The following DIPK1C variants were observed in gnomAD, a reference collection of about 807,000 sequenced individuals.
The protein encoded by DIPK1C is familial non-conventional Alzheimer's dementia.
Under a neutral mutation model 28.0 loss-of-function variants are expected in DIPK1C, and 33 were observed. That is an observed-to-expected ratio of 1.18 (90% CI 0.89 to 1.58). DIPK1C has a LOEUF of 1.58. DIPK1C is among the 40% of genes most tolerant of loss of function. The probability of loss-of-function intolerance (pLI) is 0.00; values close to 1 mark genes in which losing one functional copy is unlikely to be tolerated. For synonymous variants in DIPK1C, 255 were observed against 248.8 expected (o/e 1.02, Z -0.23); for missense variants, 569 against 568.5 (o/e 1.00, Z -0.01).
At chr18:74,449,172 C>G (rs1391003875) in intron 1 of DIPK1C, among the ~76,000 whole-genome samples, 2 of 152,016 alleles carry the variant, frequency 1.3e-5, no homozygotes, top group African/African-American at 4.8e-5. Flanking sequence ...CTCATTTGAC[C>G]TTATGTGGTG....
intron 1 of DIPK1C, among the ~76,000 whole-genome samples, chr18:74,456,717 C>T (rs80208705): frequency 0.07 from 10,641 of 152,306 alleles, 533 homozygotes; most frequent in Middle Eastern, 0.11. Context: ...GGCCTGACAC[C>T]GGACGCGGCA....
At chr18:74,438,045 C>A (rs1255366113) in intron 3 of DIPK1C, among the ~76,000 whole-genome samples, 2 of 152,168 alleles carry the variant, frequency 1.3e-5, no homozygotes, top group African/African-American at 4.8e-5. Flanking sequence ...GGGCATAGCA[C>A]CATGCCTGGC....
At chr18:74,454,358 C>T (rs895271964) in intron 1 of DIPK1C, among the ~76,000 whole-genome samples, 6 of 152,182 alleles carry the variant, frequency 3.9e-5, no homozygotes, top group Non-Finnish European at 5.9e-5. Flanking sequence ...TCCCCTGACT[C>T]GTCCCTAAGC....
At chr18:74,450,806 G>C (rs546272545) in intron 1 of DIPK1C, among the ~76,000 whole-genome samples, 2 of 152,360 alleles carry the variant, frequency 1.3e-5, no homozygotes, top group Admixed American at 6.5e-5. Flanking sequence ...GAGGGGACAG[G>C]CTTCGAAATT....
chr18:74,460,121 G>A (rs1468338561), upstream of DIPK1C, among the ~76,000 whole-genome samples: 2 of 152,212 alleles, frequency 1.3e-5, no homozygotes, highest in Non-Finnish European at 2.9e-5. Flanking sequence ...TCTGCTGAAG[G>A]GGAGGCCAGC....
chr18:74,442,894 G>A lies in DIPK1C; in HGVS notation c.877-778C>T, dbSNP rs945699724. On this transcript the variant is annotated intron_variant, in intron 2 of 3. Coordinates refer to ENST00000343998, the MANE Select transcript of DIPK1C (RefSeq NM_001044369.3). ...CTGTAAGATACAGAGAACCTATTCC[G>A]TGAATACAAGCTATCCAGGGAAGCC... Among the ~76,000 whole-genome samples, 26 of 152,282 alleles carry A rather than the reference G, an allele frequency of 1.7e-4. No individual in the cohort carries two copies. In the East Asian group the frequency reaches 2.5e-3, roughly 15 times the overall value.
Position 74,442,092 on chromosome 18 carries a change from C to T in DIPK1C, c.901G>A (p.Ala301Thr), listed in dbSNP as rs935757644. Residue 301 changes from alanine (A) to threonine (T), a missense_variant, in exon 3 of 4, where the codon GCC becomes ACC. Transcript: ENST00000343998. The part of the protein sequence containing the change: ...FTVVAIDVDM[A>T]FFEPKMREIL... ...TCCCTCATTTTAGGTTCAAAAAAGG[C>T]CATGTCCACATCAATAGCCACCACC... 1 of 1,614,024 alleles carries T rather than the reference C, an allele frequency of 6.2e-7. No individual in the cohort carries two copies. Among genetic ancestry groups the T allele is most frequent in the East Asian group, 2.2e-5 (1 of 44,880 alleles).
intron 3 of DIPK1C, among the ~76,000 whole-genome samples, chr18:74,441,132 G>C (rs544245308): frequency 1.3e-5 from 2 of 152,346 alleles, no homozygotes; most frequent in South Asian, 4.1e-4. Flanking sequence ...TGGGTCTGCA[G>C]TGGGCTCACA....
At chr18:74,453,006 A>T (rs1212467100) in intron 1 of DIPK1C, among the ~76,000 whole-genome samples, 1 of 152,302 alleles carries the variant, frequency 6.6e-6, no homozygotes, top group Non-Finnish European at 1.5e-5. Context: ...ATTGCAGCTA[A>T]CTCTAGTGTG....
At position 74,435,294 on chromosome 18, in the gene DIPK1C, T is replaced by C. The variant is rs1375727306; in HGVS notation, c.*1207A>G. ...TGAAAAGGGGTGACCCGTTGGTTTGTTGAGCACTCGTGGGTCACAGTTATG... is the reference window on the plus strand; with the variant it reads ...TGAAAAGGGGTGACCCGTTGGTTTGCTGAGCACTCGTGGGTCACAGTTATG... On this transcript the variant is annotated 3_prime_UTR_variant, in exon 4 of 4. Transcript: ENST00000343998. The C allele has an allele frequency of 2.6e-5, 4 of 152,244 alleles. No homozygotes were observed. The highest frequency in any genetic ancestry group is 4.8e-5 in the African/African-American group (2 of 41,464). 9.4% of individuals were successfully genotyped at this position (152,244 alleles called of 1,614,324 possible). A position where few individuals can be genotyped will look rare whatever the true frequency, so the allele number is the denominator to read the frequency against.
At chr18:74,445,273 G>C (rs1986233723) in intron 2 of DIPK1C, among the ~76,000 whole-genome samples, 1 of 152,168 alleles carries the variant, frequency 6.6e-6, no homozygotes, top group Admixed American at 6.5e-5. Flanking sequence ...ATGGCACTCA[G>C]GGAATTGCAG....
Position 74,436,570 on chromosome 18 carries a change from G to A in DIPK1C, c.1191C>T (p.Ser397=), listed in dbSNP as rs1324598143. 6.2e-7 allele frequency: 1 copy of A among 1,611,072 alleles called. No individual in the cohort carries two copies. The highest frequency in any genetic ancestry group is 1.3e-5 in the African/African-American group (1 of 74,868). ...GTTGGCGAAGCTTCCAGAACACGCT[G>A]GAGGCTGCTCTCCGGGTGTTCCCAC... The part of the protein sequence containing the change: ...VPSGNTRRAA[S]SVFWKLRQLL... Residue 397 remains serine (S), a synonymous_variant, in exon 4 of 4, where the codon TCC becomes TCT. Coordinates refer to ENST00000343998, the MANE Select transcript of DIPK1C (RefSeq NM_001044369.3).
intron 1 of DIPK1C, among the ~76,000 whole-genome samples, chr18:74,454,267 G>T (rs1343631293): frequency 1.3e-5 from 2 of 152,128 alleles, no homozygotes; most frequent in Non-Finnish European, 2.9e-5. Context: ...ACTTGTCAGG[G>T]GGGTGTGGTT....
chr18:74,444,963 G>T (rs1389794277), intron 2 of DIPK1C, among the ~76,000 whole-genome samples: 1 of 152,244 alleles, frequency 6.6e-6, no homozygotes, highest in Non-Finnish European at 1.5e-5. Context: ...GTAGGTAAAA[G>T]CATCTGATGT....
At chr18:74,463,771 G>A in the DIPK1C span, among the ~76,000 whole-genome samples, 1 of 152,276 alleles carries the variant, frequency 6.6e-6, no homozygotes, top group African/African-American at 2.4e-5. Context: ...AGCAAATAAC[G>A]TGCAACTCTT....
chr18:74,452,739 T>G (rs906369080), intron 1 of DIPK1C, among the ~76,000 whole-genome samples: 9 of 152,076 alleles, frequency 5.9e-5, no homozygotes, highest in African/African-American at 2.2e-4. Flanking sequence ...AAAACTTTCA[T>G]CATGTTAAAG....
intron 3 of DIPK1C, among the ~76,000 whole-genome samples, chr18:74,441,256 G>A (rs1986116556): frequency 6.6e-6 from 1 of 152,160 alleles, no homozygotes. Flanking sequence ...ATGCAACCAG[G>A]CCATGGGGAA....
chr18:74,440,502 A>T (rs1319399299), intron 3 of DIPK1C, among the ~76,000 whole-genome samples: 1 of 152,248 alleles, frequency 6.6e-6, no homozygotes, highest in Non-Finnish European at 1.5e-5. Flanking sequence ...CATTTAAAGA[A>T]CTATTCCCAA....
In DIPK1C at chr18:74,457,068, G is replaced by C. The variant is rs1474513635; in HGVS notation, c.192C>G (p.Ala64=). The change falls in exon 1 of 4, where the codon GCC becomes GCG. Residue 64 remains alanine, a synonymous_variant. Transcript: ENST00000343998. The stretch of plus-strand genomic sequence containing the variant: ...GAGCGGCGGCGGGACCTACCAGCGC[G>C]GCCAGGATGCGCCGGCTCTTCTCGT... ...CTDEKSRRIL[A]ALCQDYQGGT... 2.7e-6 allele frequency: 4 copies of C among 1,461,196 alleles called. No individual in the cohort carries two copies. The highest frequency in any genetic ancestry group is 2.6e-5 in the South Asian group (2 of 75,690). The allele number at this position is 1,461,196 out of a possible 1,614,324, so 90.5% of individuals were successfully genotyped here. A position where few individuals can be genotyped will look rare whatever the true frequency, so the allele number is the denominator to read the frequency against.
Sources: gnomAD v4.1 joint callset for allele counts (sites outside exome capture counted in the v4.1 genomes callset) on GRCh38, gnomAD v4.1.1 for gene constraint, MANE v1.5 for transcripts, NCBI Gene and HGNC (gene_info 2026-07-23, HGNC 2026-07-21) for gene names.